Variants in MORF4L1 observed in about 807,000 individuals in gnomAD.
The protein encoded by MORF4L1 is mortality factor 4-like protein 1.
MORF4L1 carries 4 observed loss-of-function variants against 52.9 expected under a neutral mutation model. That is an observed-to-expected ratio of 0.08 (90% CI 0.04 to 0.17). MORF4L1 has a LOEUF of 0.17. Among genes scored for constraint, MORF4L1 ranks in the 10% least tolerant of loss-of-function variants. The pLI, the probability that MORF4L1 is intolerant of heterozygous loss-of-function variation, is 1.00. For missense variants in MORF4L1, 214 were observed against 390.4 expected (o/e 0.55, Z 3.81); for synonymous variants, 123 against 134.8 (o/e 0.91, Z 0.61).
Position 78,878,861 on chromosome 15 carries a change from TATACCTTA to T in MORF4L1, c.87+604_87+611del, listed in dbSNP as rs538173217. On this transcript the variant is annotated intron_variant, in intron 2 of 11. Transcript: ENST00000426013. ...TTAGTACAAATATTTAAGACTTGAC[TATACCTTA>T]AACAGTCGTAGCTCCAAAAATGAGC... Among the ~76,000 whole-genome samples, 47 of 152,328 alleles carry T rather than the reference TATACCTTA, an allele frequency of 3.1e-4. 2 individuals are homozygous for T. In the South Asian group the frequency reaches 9.5e-3, roughly 31 times the overall value.
chr15:78,874,651 C>G, intron 1 of MORF4L1, among the ~76,000 whole-genome samples: 1 of 136,758 alleles, frequency 7.3e-6, no homozygotes, highest in Non-Finnish European at 1.5e-5. Context: ...TGGTCTCGAA[C>G]TCCTGGGCTT....
chr15:78,880,677 A>T, intron 3 of MORF4L1, 98 bp downstream of exon 3: 1 of 847,176 alleles, frequency 1.2e-6, no homozygotes, highest in Non-Finnish European at 1.9e-6. Flanking sequence ...TGCAGTTTTA[A>T]TGTAATATAG....
Position 78,873,246 on chromosome 15 carries a change from G to A in MORF4L1, c.40+189G>A. On this transcript the variant is annotated intron_variant, in intron 1 of 11. Transcript: ENST00000426013. Reference sequence around the variant, plus strand: ...GCGTCATTGTGAGAAAGCGCTTTGTGAAGCGAGAGTGCTGCGCAGGCGTTA... The same window carrying A: ...GCGTCATTGTGAGAAAGCGCTTTGTAAAGCGAGAGTGCTGCGCAGGCGTTA... 4.0e-6 allele frequency: 6 copies of A among 1,504,180 alleles called. 1 individual carries two copies. The South Asian group carries it at 7.7e-5, about 19-fold the overall frequency. The allele number at this position is 1,504,180 out of a possible 1,614,324, so 93.2% of individuals were successfully genotyped here. A position where few individuals can be genotyped will look rare whatever the true frequency, so the allele number is the denominator to read the frequency against.
chr15:78,883,981 A>C (rs1257117801), intron 3 of MORF4L1, among the ~76,000 whole-genome samples: 1 of 144,004 alleles, frequency 6.9e-6, no homozygotes, highest in Admixed American at 6.9e-5. Flanking sequence ...CGAGGCGGGC[A>C]GATCACAAGG....
intron 6 of MORF4L1, 23 bp downstream of exon 6, chr15:78,891,037 C>A (rs778391312): frequency 1.4e-5 from 21 of 1,472,518 alleles, no homozygotes; most frequent in Non-Finnish European, 1.8e-5. Context: ...ACTTTCTTAA[C>A]GTTAATTTAT....
At chr15:78,878,315 C>T in intron 2 of MORF4L1, 56 bp downstream of exon 2, 1 of 1,507,710 alleles carries the variant, frequency 6.6e-7, no homozygotes, top group Non-Finnish European at 9.1e-7. Flanking sequence ...TAGATCTGGC[C>T]ATTTAATATA....
At chr15:78,881,165 A>C (rs1423039981) in intron 3 of MORF4L1, among the ~76,000 whole-genome samples, 1 of 137,012 alleles carries the variant, frequency 7.3e-6, no homozygotes, top group African/African-American at 2.7e-5. Context: ...TAGAGTCTTA[A>C]TTTCTCACCC....
At chr15:78,873,501 C>T (rs2141580500) in intron 1 of MORF4L1, among the ~76,000 whole-genome samples, 1 of 152,156 alleles carries the variant, frequency 6.6e-6, no homozygotes, top group East Asian at 1.9e-4. Flanking sequence ...TTCGGTGCTT[C>T]CTGGAGCCCC....
chr15:78,889,215 T>C (rs928621857), intron 5 of MORF4L1, among the ~76,000 whole-genome samples: 2 of 152,202 alleles, frequency 1.3e-5, no homozygotes, highest in African/African-American at 2.4e-5. Flanking sequence ...TCTGAGTCTT[T>C]TGAAGGATCC....
chr15:78,894,246 G>A lies in MORF4L1; in HGVS notation c.802+16G>A. On this transcript the variant is annotated intron_variant, in intron 10 of 11. Coordinates refer to ENST00000426013, the MANE Select transcript of MORF4L1 (RefSeq NM_006791.4). ...AGATTATTTGGTAATATGTCATGTA[G>A]AAAATAATGGATTTTACTTTTTGGG... 2 of 1,578,576 alleles carry A rather than the reference G, an allele frequency of 1.3e-6. No individual in the cohort carries two copies. The highest frequency in any genetic ancestry group is 1.7e-6 in the Non-Finnish European group (2 of 1,163,688).
At chr15:78,873,552 G>A (rs1299581819) in intron 1 of MORF4L1, among the ~76,000 whole-genome samples, 1 of 152,150 alleles carries the variant, frequency 6.6e-6, no homozygotes, top group African/African-American at 2.4e-5. Context: ...GCGGATGGGG[G>A]TGGGTTTGGC....
At chr15:78,887,232 T>G in intron 4 of MORF4L1, 37 bp from the exon 5 acceptor site, 1 of 1,532,630 alleles carries the variant, frequency 6.5e-7, no homozygotes, top group Non-Finnish European at 8.9e-7. Context: ...ACATAAATGC[T>G]CATTTTATGT....
At chr15:78,890,825 C>T (rs773625938) in intron 5 of MORF4L1, 164 bp from the exon 6 acceptor site, 12 of 585,670 alleles carry the variant, frequency 2.0e-5, no homozygotes, top group Non-Finnish European at 3.0e-5. Context: ...GGGAATTTAA[C>T]CAACTATCAA....
At chr15:78,880,448 A>G (rs1463809423) in intron 2 of MORF4L1, 64 bp from the exon 3 acceptor site, 2 of 1,197,860 alleles carry the variant, frequency 1.7e-6, no homozygotes, top group Non-Finnish European at 2.4e-6. Context: ...TTGAAGGATG[A>G]TTTGAAAAGG....
At chr15:78,893,476 C>A (rs757883226) in intron 8 of MORF4L1, 63 bp from the exon 9 acceptor site, 3 of 1,095,738 alleles carry the variant, frequency 2.7e-6, no homozygotes, top group Non-Finnish European at 4.2e-6. Context: ...TAAAAACTTG[C>A]CTGGTATGAT....
intron 11 of MORF4L1, among the ~76,000 whole-genome samples, chr15:78,896,415 A>C (rs1386386190): frequency 6.9e-6 from 1 of 143,904 alleles, no homozygotes; most frequent in African/African-American, 2.6e-5. Context: ...GGTTCAAGCA[A>C]TTCTCCTGCC....
At chr15:78,881,845 T>C (rs1248159050) in intron 3 of MORF4L1, among the ~76,000 whole-genome samples, 3 of 152,228 alleles carry the variant, frequency 2.0e-5, no homozygotes, top group African/African-American at 7.2e-5. Context: ...CAGGCTCTTT[T>C]ACCTGGTTTA....
intron 5 of MORF4L1, among the ~76,000 whole-genome samples, chr15:78,888,193 G>T (rs376239227): frequency 3.7e-4 from 57 of 152,298 alleles, no homozygotes; most frequent in African/African-American, 1.3e-3. Context: ...CGGTGCGGTG[G>T]CTCACACCTG....
chr15:78,884,983 A>T (rs1054771591), intron 3 of MORF4L1: 2 of 1,613,934 alleles, frequency 1.2e-6, no homozygotes, highest in Non-Finnish European at 1.7e-6. Flanking sequence ...TGTGAGGCCC[A>T]GGCGCTCTGA....
Sources: gnomAD v4.1 joint callset for allele counts (sites outside exome capture counted in the v4.1 genomes callset) on GRCh38, gnomAD v4.1.1 for gene constraint, MANE v1.5 for transcripts, NCBI Gene and HGNC (gene_info 2026-07-23, HGNC 2026-07-21) for gene names.